The following FBXO38 variants were observed in gnomAD, a reference collection of about 807,000 sequenced individuals.
FBXO38 encodes the protein F-box protein 38.
In FBXO38, 53 loss-of-function variants were observed where a neutral mutation model predicts 131.9. That is an observed-to-expected ratio of 0.40 (90% confidence interval 0.32 to 0.51). The LOEUF (loss-of-function observed/expected upper bound fraction) is 0.51, where lower values mean the gene tolerates loss of function less well. FBXO38 is among the 20% of genes least tolerant of loss of function. The pLI, the probability that FBXO38 is intolerant of heterozygous loss-of-function variation, is 0.53. For synonymous variants in FBXO38, 452 were observed against 505.6 expected, an observed-to-expected ratio of 0.89 and a Z score of 1.42; for missense variants, 1,076 against 1,475.6, an observed-to-expected ratio of 0.73 and a Z score of 4.44.
intron 1 of FBXO38, among the ~76,000 whole-genome samples, chr5:148,391,619 T>C (rs969659510): frequency 6.6e-6 from 1 of 152,178 alleles, no homozygotes; most frequent in Non-Finnish European, 1.5e-5. Flanking sequence ...GAGCAAGTGG[T>C]AAGGATTGGA....
chr5:148,427,561 G>A lies in FBXO38; in HGVS notation c.2267G>A (p.Gly756Glu). 1 of 1,614,154 alleles carries A rather than the reference G, an allele frequency of 6.2e-7. No homozygotes were observed. The highest frequency in any genetic ancestry group is 8.5e-7 in the Non-Finnish European group (1 of 1,180,028). ...VSRQCACSPG[G>E]SEDSEAMEEG... ...AGGCAGTGTGCCTGCTCCCCCGGTG[G>A]GTCAGAGGACTCTGAGGCCATGGAG... Residue 756 changes from glycine (G) to glutamate (E), a missense_variant, in exon 15 of 22, where the codon GGG becomes GAG. By Grantham distance (98) the Gly-to-Glu change is moderately conservative. Coordinates refer to ENST00000340253, the MANE Select transcript of FBXO38 (RefSeq NM_205836.3).
intron 15 of FBXO38, among the ~76,000 whole-genome samples, chr5:148,431,655 T>G (rs985579876): frequency 6.6e-6 from 1 of 152,182 alleles, no homozygotes; most frequent in African/African-American, 2.4e-5. Flanking sequence ...ACTAATGAGG[T>G]TTTAAAAGGA....
intron 12 of FBXO38, among the ~76,000 whole-genome samples, chr5:148,422,897 C>A (rs548359355): frequency 2.8e-4 from 42 of 152,312 alleles, no homozygotes; most frequent in Admixed American, 8.5e-4. Flanking sequence ...GGGGCCCAGG[C>A]TACCTTTTCA....
intron 3 of FBXO38, chr5:148,399,437 A>T (rs1178383432): frequency 3.8e-6 from 1 of 264,044 alleles, no homozygotes; most frequent in Non-Finnish European, 7.3e-6. Flanking sequence ...ATCACATTAG[A>T]CACTGTGTGT....
intron 1 of FBXO38, among the ~76,000 whole-genome samples, chr5:148,392,609 G>T (rs898192657): frequency 5.3e-5 from 8 of 151,566 alleles, no homozygotes; most frequent in African/African-American, 1.7e-4. Flanking sequence ...GTGTGTGTGT[G>T]TGTGTGTGTG....
Position 148,424,158 on chromosome 5 carries a change from A to G in FBXO38, c.1738+41A>G, listed in dbSNP as rs757677802. The G allele has an allele frequency of 6.9e-6, 11 of 1,585,552 alleles. No homozygotes were observed. In the South Asian group the frequency reaches 1.2e-4, roughly 17 times the overall value. On this transcript the variant is annotated intron_variant, in intron 13 of 21. Transcript: ENST00000340253. ...ATCCCACATTCATCATTCTGAAACT[A>G]CGGCCTAACTGTAATGAAGTACATG...
At position 148,440,516 on chromosome 5, in the gene FBXO38, A is replaced by G. The variant is rs1754614037; in HGVS notation, c.3263A>G (p.Tyr1088Cys). 4.4e-6 allele frequency: 7 copies of G among 1,587,704 alleles called. No homozygotes were observed. Among genetic ancestry groups the G allele is most frequent in the South Asian group, 1.1e-5 (1 of 90,318 alleles). ...YPKYPWGREIYTLEGVVDGAP... is the reference protein window; with the variant it reads ...YPKYPWGREICTLEGVVDGAP... ...AAGTACCCCTGGGGGAGAGAAATCT[A>G]TACTTTAGAAGGTGAGTATTTACAA... The change falls in exon 20 of 22, where the codon TAT becomes TGT. Residue 1088 changes from tyrosine (Y) to cysteine (C), a missense_variant. Around this residue, in one of 8 missense-constraint regions of FBXO38, gnomAD observed 282 missense variants for 418.8 expected, o/e 0.67. Transcript: ENST00000340253.
rs558569258 is a variant in FBXO38 at position 148,439,592 on chromosome 5, A to G, written c.3025-55A>G. On this transcript the variant is annotated intron_variant, in intron 18 of 21. Transcript: ENST00000340253. Reference sequence around the variant, plus strand: ...AAAGATTGTTCAAGCTCTCGGAGAGAGATTTCTAAGGCATTCTCTTTGTTG... The same window carrying G: ...AAAGATTGTTCAAGCTCTCGGAGAGGGATTTCTAAGGCATTCTCTTTGTTG... The G allele has an allele frequency of 4.1e-5, 63 of 1,543,690 alleles. 1 individual carries two copies. The South Asian group carries it at 6.8e-4, about 17-fold the overall frequency.
Position 148,429,421 on chromosome 5 carries a change from T to C in FBXO38, c.2653+1474T>C, listed in dbSNP as rs188316958. Among the ~76,000 whole-genome samples, 28 of 152,302 alleles carry C rather than the reference T, an allele frequency of 1.8e-4. No homozygotes were observed. The East Asian group carries it at 4.8e-3, about 26-fold the overall frequency. On this transcript the variant is annotated intron_variant, in intron 15 of 21. Coordinates refer to ENST00000340253, the MANE Select transcript of FBXO38 (RefSeq NM_205836.3). ...TCGTGCTATGATTTTGAAATGCTCT[T>C]TTATCATCTACTAAATTCTTTGACA... is the stretch of plus-strand genomic sequence containing the variant.
At chr5:148,389,281 G>A (rs575797189) in intron 1 of FBXO38, among the ~76,000 whole-genome samples, 1 of 152,198 alleles carries the variant, frequency 6.6e-6, no homozygotes, top group Non-Finnish European at 1.5e-5. Context: ...TTACCAAAAT[G>A]TGACACACAG....
intron 12 of FBXO38, 33 bp from the exon 13 acceptor site, chr5:148,423,965 T>G (rs1415627884): frequency 6.3e-7 from 1 of 1,596,586 alleles, no homozygotes; most frequent in African/African-American, 1.3e-5. Flanking sequence ...TATACTTCTT[T>G]TGGTTTTTAC....
intron 11 of FBXO38, 170 bp from the exon 12 acceptor site, chr5:148,416,823 GA>G: frequency 1.7e-6 from 1 of 592,382 alleles, no homozygotes; most frequent in Non-Finnish European, 3.0e-6. Context: ...TATCTATCTT[GA>G]AGTGTTGCAG....
chr5:148,417,645 G>A (rs1202755390), intron 12 of FBXO38, among the ~76,000 whole-genome samples: 2 of 152,118 alleles, frequency 1.3e-5, no homozygotes, highest in Non-Finnish European at 2.9e-5. Flanking sequence ...TAATCATTAG[G>A]TCTTCACTTC....
chr5:148,410,889 C>T (rs1015980165), intron 9 of FBXO38, 124 bp downstream of exon 9: 35 of 823,224 alleles, frequency 4.3e-5, no homozygotes, highest in Middle Eastern at 3.3e-4. Context: ...TAGGTGCTCT[C>T]ACGTCTTGAA....
rs780190628 is a variant in FBXO38, at chr5:148,442,115, A to C, written c.3535A>C (p.Asn1179His). Residue 1179 changes from asparagine to histidine, a missense_variant, in exon 22 of 22, where the codon AAT (asparagine) becomes CAT (histidine). Coordinates refer to ENST00000340253, the MANE Select transcript of FBXO38 (RefSeq NM_205836.3). ...VAIFIHYCDV[N>H]GEPVEDDYI ...AATTTTTATCCACTATTGTGATGTC[A>C]ATGGAGAGCCAGTTGAAGATGACTA... 5.0e-6 allele frequency: 8 copies of C among 1,613,974 alleles called. No homozygotes were observed. Among genetic ancestry groups the C allele is most frequent in the Middle Eastern group, 1.6e-4 (1 of 6,062 alleles).
chr5:148,418,769 G>A lies in FBXO38; in HGVS notation c.1618+1565G>A, dbSNP rs552076737. Among the ~76,000 whole-genome samples, 21 of 152,336 alleles carry A rather than the reference G, an allele frequency of 1.4e-4. 1 individual carries two copies. In the South Asian group the frequency reaches 4.1e-3, roughly 30 times the overall value. ...TGTGGTTTGAGTTGACACACAGATT[G>A]TAGACTTCACTGGAAGATTACTTTG... is the stretch of plus-strand genomic sequence containing the variant. On this transcript the variant is annotated intron_variant, in intron 12 of 21. Coordinates refer to ENST00000340253, the MANE Select transcript of FBXO38 (RefSeq NM_205836.3).
At chr5:148,386,715 C>T (rs1757933140) in intron 1 of FBXO38, among the ~76,000 whole-genome samples, 1 of 152,056 alleles carries the variant, frequency 6.6e-6, no homozygotes, top group East Asian at 1.9e-4. Context: ...TAATACTCTC[C>T]TCCTTATTTA....
At chr5:148,441,845 C>A in intron 21 of FBXO38, 124 bp from the exon 22 acceptor site, 1 of 668,670 alleles carries the variant, frequency 1.5e-6, no homozygotes. Flanking sequence ...ATTCCTTGAC[C>A]TATTCATGCA....
rs909353953 is a variant in FBXO38, at chr5:148,410,550, C to T, written c.963-85C>T. ...TACGTCTTTGTCAGCAGCATAGAAA[C>T]GGACTAATACACTTATATTAGGAGG... is the stretch of plus-strand genomic sequence containing the variant. On this transcript the variant is annotated intron_variant, in intron 8 of 21. Coordinates refer to ENST00000340253, the MANE Select transcript of FBXO38 (RefSeq NM_205836.3). 114 of 1,476,692 alleles carry T rather than the reference C, an allele frequency of 7.7e-5. 1 individual carries two copies. The South Asian group carries it at 1.1e-3, about 14-fold the overall frequency. 91.5% of individuals were successfully genotyped at this position (1,476,692 alleles called of 1,614,324 possible).
Sources: gnomAD v4.1 joint callset for allele counts (sites outside exome capture counted in the v4.1 genomes callset) on GRCh38, gnomAD v4.1.1 for gene constraint, gnomAD v4.1.1 regional missense constraint, MANE v1.5 for transcripts, NCBI Gene and HGNC (gene_info 2026-07-23, HGNC 2026-07-21) for gene names.